Variants in DENND4C observed in about 807,000 individuals in gnomAD.
DENND4C encodes the protein DENN domain containing 4C.
In DENND4C, 108 loss-of-function variants were observed where a neutral mutation model predicts 203.0. The observed-to-expected ratio is 0.53, with a 90% CI of 0.46 to 0.62. The LOEUF is 0.62. DENND4C is among the 20% of genes least tolerant of loss of function. DENND4C has a pLI of 0.00. For missense variants in DENND4C, 2,481 were observed against 2,301.2 expected (o/e 1.08, Z -1.60); for synonymous variants, 871 against 792.4 (o/e 1.10, Z -1.67).
At chr9:19,258,837 T>G (rs567266213) in intron 1 of DENND4C, among the ~76,000 whole-genome samples, 6 of 152,046 alleles carry the variant, frequency 3.9e-5, no homozygotes, top group Admixed American at 1.3e-4. Flanking sequence ...GTATTTTTAT[T>G]AGAGACGGGG....
At chr9:19,327,844 AT>A (rs1431940284) in intron 15 of DENND4C, among the ~76,000 whole-genome samples, 185 bp from the exon 16 acceptor site, 7 of 152,042 alleles carry the variant, frequency 4.6e-5, no homozygotes, top group Admixed American at 4.6e-4. Flanking sequence ...AAGAGACAAA[AT>A]TTTCATGAAG....
At chr9:19,289,508 C>A in intron 4 of DENND4C, among the ~76,000 whole-genome samples, 1 of 152,174 alleles carries the variant, frequency 6.6e-6, no homozygotes, top group South Asian at 2.1e-4. Context: ...CAACGACTAA[C>A]GTATAAAATT....
chr9:19,263,705 A>G (rs1476316145), intron 1 of DENND4C, among the ~76,000 whole-genome samples: 2 of 150,328 alleles, frequency 1.3e-5, no homozygotes, highest in Non-Finnish European at 2.9e-5. Flanking sequence ...CCCAGGCTGA[A>G]GTGCAATGGC....
intron 12 of DENND4C, among the ~76,000 whole-genome samples, chr9:19,319,335 T>TATATATACTTATATATATAC (rs1842408201): frequency 3.0e-4 from 2 of 6,586 alleles, no homozygotes; most frequent in East Asian, 0.083. Context: ...TACATATATA[T>TATATATACTTATATATATAC]ACACATATAT....
intron 12 of DENND4C, among the ~76,000 whole-genome samples, chr9:19,317,838 A>G (rs945169751): frequency 6.6e-6 from 1 of 152,268 alleles, no homozygotes; most frequent in East Asian, 1.9e-4. Flanking sequence ...TGTTCTTCCA[A>G]ATATTCCAGT....
At chr9:19,235,050 G>A (rs1433549622) in intron 1 of DENND4C, among the ~76,000 whole-genome samples, 2 of 150,808 alleles carry the variant, frequency 1.3e-5, no homozygotes, top group East Asian at 3.9e-4. Context: ...CTGCAACCTC[G>A]GCCTCCCAGA....
At chr9:19,356,151 C>T (rs1166361476) in intron 26 of DENND4C, among the ~76,000 whole-genome samples, 1 of 152,032 alleles carries the variant, frequency 6.6e-6, no homozygotes, top group African/African-American at 2.4e-5. Flanking sequence ...CTTTACTATA[C>T]TTAGTCTATC....
In DENND4C at chr9:19,282,950, C is replaced by T. The variant is rs754275038; in HGVS notation, c.306-3819C>T. ...GCCAGGCTGGTTTTGAACTCCTGACCTCAAGTGATCCACCCATCTTGACCT... is the reference window on the plus strand; with the variant it reads ...GCCAGGCTGGTTTTGAACTCCTGACTTCAAGTGATCCACCCATCTTGACCT... On this transcript the variant is annotated intron_variant, in intron 2 of 32. Coordinates refer to ENST00000434457, the MANE Select transcript of DENND4C (RefSeq NM_001330640.2). Among the ~76,000 whole-genome samples the T allele has an allele frequency of 1.1e-4, 17 of 152,080 alleles. No homozygotes were observed. In the Middle Eastern group the frequency reaches 0.01, roughly 91 times the overall value.
intron 9 of DENND4C, among the ~76,000 whole-genome samples, chr9:19,304,132 T>TG: frequency 6.6e-6 from 1 of 151,136 alleles, no homozygotes; most frequent in Non-Finnish European, 1.5e-5. Context: ...GGAATGTTTT[T>TG]TTCTCTTTTT....
intron 20 of DENND4C, among the ~76,000 whole-genome samples, chr9:19,340,577 TC>T (rs1412336477): frequency 5.3e-5 from 8 of 152,206 alleles, no homozygotes; most frequent in Non-Finnish European, 1.0e-4. Flanking sequence ...GTATCTTATT[TC>T]CCCCCAACCC....
chr9:19,256,852 C>T (rs921226765), intron 1 of DENND4C, among the ~76,000 whole-genome samples: 3 of 151,826 alleles, frequency 2.0e-5, no homozygotes, highest in South Asian at 2.1e-4. Context: ...AGGTGGATCA[C>T]GAGGTCTGGA....
At chr9:19,322,144 A>G (rs1417544703) in intron 12 of DENND4C, among the ~76,000 whole-genome samples, 2 of 152,206 alleles carry the variant, frequency 1.3e-5, no homozygotes, top group East Asian at 3.9e-4. Context: ...TAGTTGTGAA[A>G]ACATGTGAAG....
chr9:19,340,009 C>T (rs1278837106), intron 20 of DENND4C, among the ~76,000 whole-genome samples: 1 of 152,058 alleles, frequency 6.6e-6, no homozygotes, highest in Non-Finnish European at 1.5e-5. Context: ...TTTAGATATT[C>T]TCCTATTATG....
intron 30 of DENND4C, among the ~76,000 whole-genome samples, chr9:19,366,523 G>A (rs1204693796): frequency 6.6e-6 from 1 of 152,186 alleles, no homozygotes; most frequent in African/African-American, 2.4e-5. Flanking sequence ...AGAATGGCGT[G>A]AACCCAGGAG....
chr9:19,331,856 T>A, intron 16 of DENND4C, 122 bp from the exon 17 acceptor site: 1 of 866,862 alleles, frequency 1.2e-6, no homozygotes, highest in East Asian at 2.7e-5. Context: ...AAAGTCAACT[T>A]TGAAGTGCTT....
chr9:19,362,791 T>C (rs1826780228), intron 30 of DENND4C, among the ~76,000 whole-genome samples: 3 of 152,254 alleles, frequency 2.0e-5, no homozygotes, highest in African/African-American at 7.2e-5. Context: ...TCTGGCTTCA[T>C]TTTTAATCTT....
At chr9:19,368,058 C>A (rs1390426515) in intron 30 of DENND4C, among the ~76,000 whole-genome samples, 1 of 152,110 alleles carries the variant, frequency 6.6e-6, no homozygotes, top group Non-Finnish European at 1.5e-5. Flanking sequence ...TGCACAACTT[C>A]ATGAATATAC....
intron 2 of DENND4C, among the ~76,000 whole-genome samples, chr9:19,277,824 ATGTTCT>A (rs968343223): frequency 9.5e-4 from 145 of 152,292 alleles, no homozygotes; most frequent in African/African-American, 3.4e-3. Context: ...TGTTGAGGAA[ATGTTCT>A]TCTATTCCTA....
At chr9:19,255,635 CT>C (rs556417111) in intron 1 of DENND4C, among the ~76,000 whole-genome samples, 1 of 152,046 alleles carries the variant, frequency 6.6e-6, no homozygotes, top group East Asian at 1.9e-4. Flanking sequence ...TTTTTTAATG[CT>C]TTTTTTATAA....
Sources: allele counts gnomAD v4.1 joint callset (sites outside exome capture counted in the v4.1 genomes callset), GRCh38; gene constraint gnomAD v4.1.1; transcripts MANE v1.5; gene names NCBI Gene and HGNC (gene_info 2026-07-23, HGNC 2026-07-21).